FREM3: variants seen among roughly 807,000 people sequenced by gnomAD.
The protein encoded by FREM3 is FRAS1-related extracellular matrix protein 3.
A neutral mutation model predicts 129.1 loss-of-function variants in FREM3; 105 were observed. The ratio of observed to expected loss-of-function variants is 0.81; its 90% CI spans 0.69 to 0.96. FREM3 has a LOEUF of 0.96. Among genes scored for constraint, FREM3 ranks in the 40% least tolerant of loss-of-function variants. The probability of loss-of-function intolerance (pLI) is 0.00; values close to 1 mark genes in which losing one functional copy is unlikely to be tolerated. For missense variants in FREM3, 2,593 were observed against 2,666.3 expected, an observed-to-expected ratio of 0.97 and a Z score of 0.61; for synonymous variants, 1,014 against 1,044.9, an observed-to-expected ratio of 0.97 and a Z score of 0.57.
intron 6 of FREM3, among the ~76,000 whole-genome samples, chr4:143,606,522 G>A (rs780018329): frequency 4.6e-5 from 7 of 152,062 alleles, no homozygotes; most frequent in Non-Finnish European, 1.0e-4. Flanking sequence ...CAGTATCACT[G>A]CAATTAGTAA....
chr4:143,584,223 C>A (rs1388139920), intron 7 of FREM3, among the ~76,000 whole-genome samples: 1 of 151,946 alleles, frequency 6.6e-6, no homozygotes, highest in Non-Finnish European at 1.5e-5. Context: ...TCCTGGCTAA[C>A]AAGGTGAAAC....
At chr4:143,682,394 T>C (rs189286943) in intron 2 of FREM3, among the ~76,000 whole-genome samples, 1 of 152,182 alleles carries the variant, frequency 6.6e-6, no homozygotes. Flanking sequence ...CCGCACTGAA[T>C]GGCTGCTGTC....
In FREM3 at chr4:143,611,271, GGAC is replaced by G; in HGVS notation, c.6028+5_6028+7del. 1 of 1,532,460 alleles carries G rather than the reference GGAC, an allele frequency of 6.5e-7. No homozygotes were observed. The highest frequency in any genetic ancestry group is 2.0e-5 in the Admixed American group (1 of 50,940). 94.9% of individuals were successfully genotyped at this position (1,532,460 alleles called of 1,614,324 possible). A position where few individuals can be genotyped will look rare whatever the true frequency, so the allele number is the denominator to read the frequency against. ...TGCCAAAGGTTGGAAAGCAACAAATGGACTTACCATCATAACGATCAGCCAGAA... is the reference window on the plus strand; with the variant it reads ...TGCCAAAGGTTGGAAAGCAACAAATGTTACCATCATAACGATCAGCCAGAA... On this transcript the variant is annotated splice_donor_5th_base_variant and intron_variant, in intron 6 of 7. Transcript: ENST00000329798.
At chr4:143,669,615 A>T (rs981182434) in intron 2 of FREM3, among the ~76,000 whole-genome samples, 35 of 151,110 alleles carry the variant, frequency 2.3e-4, no homozygotes, top group African/African-American at 7.3e-4. Flanking sequence ...ATGAAGTTTT[A>T]TGTAACACTA....
intron 2 of FREM3, among the ~76,000 whole-genome samples, chr4:143,685,756 A>C (rs923757402): frequency 6.6e-6 from 1 of 152,154 alleles, no homozygotes; most frequent in African/African-American, 2.4e-5. Flanking sequence ...AAACTAACAC[A>C]AGAACAGAAA....
In FREM3 at chr4:143,697,405, G is replaced by T. The variant is rs1381779710; in HGVS notation, c.3271C>A (p.Gln1091Lys). Reference protein sequence around the residue: ...YEGEKNSLTLQHLHVEDVDTH... With the variant: ...YEGEKNSLTLKHLHVEDVDTH... Reference sequence around the variant, plus strand: ...TCCACATCTTCAACATGGAGATGTTGTAAGGTCAAGGAGTTCTTCTCACCT... The same window carrying T: ...TCCACATCTTCAACATGGAGATGTTTTAAGGTCAAGGAGTTCTTCTCACCT... Residue 1091 changes from glutamine to lysine, a missense_variant, in exon 1 of 8, where the codon CAA (glutamine) becomes AAA (lysine). Gln to Lys is a moderately conservative substitution (Grantham distance 53, BLOSUM62 1). Transcript: ENST00000329798. The T allele has an allele frequency of 2.0e-6, 3 of 1,537,130 alleles. No homozygotes were observed. The highest frequency in any genetic ancestry group is 4.9e-5 in the East Asian group (2 of 40,928).
intron 2 of FREM3, among the ~76,000 whole-genome samples, chr4:143,687,440 AG>A (rs563393714): frequency 1.2e-3 from 183 of 152,312 alleles, no homozygotes; most frequent in African/African-American, 4.3e-3. Flanking sequence ...CATTCAAAGA[AG>A]AATTGGTACC....
intron 2 of FREM3, among the ~76,000 whole-genome samples, chr4:143,646,693 T>C (rs1739423889): frequency 6.6e-6 from 1 of 152,210 alleles, no homozygotes; most frequent in African/African-American, 2.4e-5. Context: ...TGTGAATCAA[T>C]TAAACCTCTA....
chr4:143,579,062 CAAAA>C (rs150448106), intron 7 of FREM3, among the ~76,000 whole-genome samples: 1 of 96,914 alleles, frequency 1.0e-5, no homozygotes. Flanking sequence ...CAAGAGTTGA[CAAAA>C]AAAAAAAAAA....
At chr4:143,658,788 C>T (rs1294873233) in intron 2 of FREM3, among the ~76,000 whole-genome samples, 1 of 152,120 alleles carries the variant, frequency 6.6e-6, no homozygotes, top group African/African-American at 2.4e-5. Context: ...CTAAAGTGGC[C>T]CAGAAAAGCC....
chr4:143,608,835 T>C (rs1280749827), intron 6 of FREM3, among the ~76,000 whole-genome samples: 7 of 152,004 alleles, frequency 4.6e-5, no homozygotes, highest in African/African-American at 1.7e-4. Flanking sequence ...ATAGATAGCT[T>C]AAAACACAAG....
chr4:143,643,292 A>G (rs1471582520), intron 2 of FREM3, among the ~76,000 whole-genome samples: 1 of 152,136 alleles, frequency 6.6e-6, no homozygotes, highest in Non-Finnish European at 1.5e-5. Flanking sequence ...AATAAAATCA[A>G]TATGCTGAAG....
At chr4:143,639,958 T>G (rs555976117) in intron 2 of FREM3, among the ~76,000 whole-genome samples, 1 of 152,144 alleles carries the variant, frequency 6.6e-6, no homozygotes, top group Non-Finnish European at 1.5e-5. Flanking sequence ...GTCTGGATCC[T>G]TTCTACCTCT....
At chr4:143,669,791 A>AAT (rs1479113403) in intron 2 of FREM3, among the ~76,000 whole-genome samples, 4 of 151,922 alleles carry the variant, frequency 2.6e-5, no homozygotes, top group Non-Finnish European at 5.9e-5. Flanking sequence ...AGAAGCATGT[A>AAT]ATATATATAT....
chr4:143,587,235 A>G (rs1248003142), intron 6 of FREM3, among the ~76,000 whole-genome samples: 1 of 151,990 alleles, frequency 6.6e-6, no homozygotes, highest in African/African-American at 2.4e-5. Flanking sequence ...ATGCCTACTC[A>G]TTTTTTTAAG....
At position 143,697,205 on chromosome 4, in the gene FREM3, C is replaced by T; in HGVS notation, c.3471G>A (p.Lys1157=). 3 of 1,537,804 alleles carry T rather than the reference C, an allele frequency of 2.0e-6. No homozygotes were observed. Among genetic ancestry groups the T allele is most frequent in the Non-Finnish European group, 2.6e-6 (3 of 1,147,034 alleles). ...ATTGGTCCTCTTGTGGCTCTACTCCCTTGTGAATACTCTGTACATAATTGA... is the reference window on the plus strand; with the variant it reads ...ATTGGTCCTCTTGTGGCTCTACTCCTTTGTGAATACTCTGTACATAATTGA... ...RHINYVQSIH[K]GVEPQEDQFT... Residue 1157 remains lysine, a synonymous_variant, in exon 1 of 8, where the codon AAG becomes AAA. Transcript: ENST00000329798.
Position 143,618,093 on chromosome 4 carries a change from G to C in FREM3, c.5779+2944C>G, listed in dbSNP as rs138344861. Among the ~76,000 whole-genome samples the C allele has an allele frequency of 1.3e-4, 20 of 152,286 alleles. 1 individual carries two copies. In the East Asian group the frequency reaches 3.7e-3, roughly 28 times the overall value. ...CGCTAGAAAAATTCACCGAGTGTCT[G>C]TCTGTTCATCCCTTGGAAAGAGCTA... On this transcript the variant is annotated intron_variant, in intron 5 of 7. Transcript: ENST00000329798.
At chr4:143,599,704 GAAC>G (rs1033720095) in intron 6 of FREM3, among the ~76,000 whole-genome samples, 1 of 152,086 alleles carries the variant, frequency 6.6e-6, no homozygotes, top group African/African-American at 2.4e-5. Flanking sequence ...CACTAGGCTA[GAAC>G]AAAAGAATGG....
intron 2 of FREM3, among the ~76,000 whole-genome samples, chr4:143,670,041 A>C (rs1016740154): frequency 1.3e-5 from 2 of 152,156 alleles, no homozygotes; most frequent in Non-Finnish European, 2.9e-5. Flanking sequence ...CTTAATTTCA[A>C]AGGGATTAGA....
Sources: allele counts gnomAD v4.1 joint callset (sites outside exome capture counted in the v4.1 genomes callset), GRCh38; gene constraint gnomAD v4.1.1; transcripts MANE v1.5; gene names NCBI Gene and HGNC (gene_info 2026-07-23, HGNC 2026-07-21).